MYLK: variants seen among roughly 807,000 people sequenced by gnomAD.
MYLK encodes myosin light chain kinase.
A neutral mutation model predicts 203.4 loss-of-function variants in MYLK; 106 were observed. That is an observed-to-expected ratio of 0.52 (90% CI 0.45 to 0.61). MYLK has a LOEUF of 0.61. Among genes scored for constraint, MYLK ranks in the 20% least tolerant of loss-of-function variants. MYLK has a pLI of 0.00. For synonymous variants in MYLK, 867 were observed against 959.5 expected (o/e 0.90, Z 1.78); for missense variants, 2,072 against 2,442.3 (o/e 0.85, Z 3.20).
At chr3:123,732,169 A>T (rs1475328145) in intron 11 of MYLK, among the ~76,000 whole-genome samples, 3 of 152,186 alleles carry the variant, frequency 2.0e-5, no homozygotes, top group Non-Finnish European at 4.4e-5. Flanking sequence ...AGTAAGGGGG[A>T]AATTTTATAG....
intron 13 of MYLK, among the ~76,000 whole-genome samples, chr3:123,714,915 TAAAAACGATGCCATGTA>T (rs1239100091): frequency 2.6e-5 from 4 of 151,762 alleles, no homozygotes; most frequent in Non-Finnish European, 5.9e-5. Context: ...TGCTGACAAG[TAAAAACGATGCCATGTA>T]GACGAAGCTG....
intron 9 of MYLK, 127 bp downstream of exon 9, chr3:123,735,271 C>G: frequency 7.8e-7 from 1 of 1,282,574 alleles, no homozygotes; most frequent in South Asian, 1.2e-5. Context: ...CAAAATAAAA[C>G]AACATCCTCC....
intron 28 of MYLK, chr3:123,638,745 T>A: frequency 1.0e-6 from 1 of 985,348 alleles, no homozygotes; most frequent in Non-Finnish European, 1.2e-6. Flanking sequence ...TCCTCCCTCC[T>A]GCCTCTCCTA....
intron 4 of MYLK, among the ~76,000 whole-genome samples, chr3:123,776,455 A>G (rs1468411748): frequency 6.6e-6 from 1 of 152,224 alleles, no homozygotes; most frequent in Non-Finnish European, 1.5e-5. Context: ...AATATTAAAT[A>G]TGGAATTAAA....
intron 4 of MYLK, among the ~76,000 whole-genome samples, chr3:123,777,897 GGC>G (rs2109016053): frequency 6.6e-6 from 1 of 152,196 alleles, no homozygotes; most frequent in East Asian, 1.9e-4. Context: ...TGAGCAAATG[GGC>G]TTATTTTTTA....
chr3:123,692,837 C>A lies in MYLK; in HGVS notation c.3463G>T (p.Val1155Phe), dbSNP rs201251944. The part of the protein sequence containing the change: ...ILSQEGSLCS[V>F]SIEKALPEDR... The stretch of plus-strand genomic sequence containing the variant: ...TCAGGCAGTGCCTTCTCGATGGAGA[C>A]GGAGCAGAGTGAGCCTGGGGAGGAA... Residue 1155 changes from valine to phenylalanine, a missense_variant, in exon 19 of 34, where the codon GTC (valine) becomes TTC (phenylalanine). By Grantham distance (50) the Val-to-Phe change is conservative. Around this residue, in one of 3 missense-constraint regions of MYLK, gnomAD observed 865 missense variants for 1,016.0 expected, o/e 0.85. Coordinates refer to ENST00000360304, the MANE Select transcript of MYLK (RefSeq NM_053025.4). 6.2e-7 allele frequency: 1 copy of A among 1,613,762 alleles called. No homozygotes were observed. Among genetic ancestry groups the A allele is most frequent in the Non-Finnish European group, 8.5e-7 (1 of 1,179,922 alleles).
chr3:123,859,876 A>T (rs1466507399), intron 2 of MYLK, among the ~76,000 whole-genome samples: 1 of 151,846 alleles, frequency 6.6e-6, no homozygotes, highest in Non-Finnish European at 1.5e-5. Flanking sequence ...GCTGCCAGTA[A>T]TTTCCCCTTT....
chr3:123,650,559 A>G (rs368242014), intron 24 of MYLK, among the ~76,000 whole-genome samples: 14 of 152,200 alleles, frequency 9.2e-5, no homozygotes, highest in African/African-American at 3.4e-4. Context: ...CTAAAACTAA[A>G]CATGAATGGG....
chr3:123,718,693 T>C (rs925779952), intron 13 of MYLK, among the ~76,000 whole-genome samples: 7 of 152,144 alleles, frequency 4.6e-5, no homozygotes, highest in African/African-American at 1.7e-4. Flanking sequence ...CTCACCCTCC[T>C]CGATTCACAC....
At chr3:123,671,386 G>A (rs1365715648) in intron 20 of MYLK, among the ~76,000 whole-genome samples, 5 of 152,174 alleles carry the variant, frequency 3.3e-5, no homozygotes, top group Admixed American at 2.0e-4. Flanking sequence ...AAAGAGGGGC[G>A]GAGGCCAGGG....
intron 30 of MYLK, among the ~76,000 whole-genome samples, chr3:123,628,304 T>A (rs552208997): frequency 6.6e-6 from 1 of 152,282 alleles, no homozygotes; most frequent in East Asian, 1.9e-4. Flanking sequence ...AGCAACTAAC[T>A]GTGCCTTCCT....
chr3:123,746,129 T>A (rs978620842), intron 5 of MYLK, among the ~76,000 whole-genome samples: 1 of 152,174 alleles, frequency 6.6e-6, no homozygotes, highest in African/African-American at 2.4e-5. Context: ...GTGCTGGGAT[T>A]ACAGGTGTGA....
chr3:123,687,808 A>T (rs532315529), intron 19 of MYLK, among the ~76,000 whole-genome samples: 3 of 152,060 alleles, frequency 2.0e-5, no homozygotes, highest in Admixed American at 1.3e-4. Context: ...AGTAGCTGGG[A>T]CTACAGGCAT....
intron 11 of MYLK, among the ~76,000 whole-genome samples, chr3:123,732,566 T>C (rs2062519079): frequency 1.3e-5 from 2 of 152,214 alleles, no homozygotes; most frequent in Non-Finnish European, 2.9e-5. Flanking sequence ...TAAACCTGTA[T>C]ATTTAATGAA....
At chr3:123,765,627 C>G (rs569148399) in intron 4 of MYLK, among the ~76,000 whole-genome samples, 1 of 151,794 alleles carries the variant, frequency 6.6e-6, no homozygotes, top group East Asian at 1.9e-4. Flanking sequence ...ATAGTGGAAG[C>G]AACCCAAATG....
intron 2 of MYLK, among the ~76,000 whole-genome samples, chr3:123,858,862 A>G (rs1240717959): frequency 1.3e-5 from 2 of 152,166 alleles, no homozygotes; most frequent in Non-Finnish European, 2.9e-5. Context: ...CTGTTCACTC[A>G]TATTAACAGC....
chr3:123,757,734 G>A (rs908326263), intron 4 of MYLK, among the ~76,000 whole-genome samples: 5 of 152,156 alleles, frequency 3.3e-5, no homozygotes, highest in African/African-American at 1.2e-4. Flanking sequence ...GGGAAAGGCT[G>A]GGCCTGGAGG....
chr3:123,669,934 CT>C (rs2059858655), intron 20 of MYLK, among the ~76,000 whole-genome samples: 1 of 148,358 alleles, frequency 6.7e-6, no homozygotes, highest in Non-Finnish European at 1.5e-5. Context: ...ACTCAGGCGG[CT>C]GAGGCAGAAG....
chr3:123,663,769 C>T (rs139887430), intron 23 of MYLK, among the ~76,000 whole-genome samples: 26 of 152,228 alleles, frequency 1.7e-4, no homozygotes, highest in Non-Finnish European at 2.5e-4. Context: ...AGAAGTTGAC[C>T]AAGTTTATGC....
Sources: gnomAD v4.1 joint callset for allele counts (sites outside exome capture counted in the v4.1 genomes callset) on GRCh38, gnomAD v4.1.1 for gene constraint, gnomAD v4.1.1 regional missense constraint, MANE v1.5 for transcripts, NCBI Gene and HGNC (gene_info 2026-07-23, HGNC 2026-07-21) for gene names.